The following MSRA variants were observed in gnomAD, a reference collection of about 807,000 sequenced individuals.
MSRA encodes the protein methionine sulfoxide reductase A, also known as mitochondrial peptide methionine sulfoxide reductase.
In MSRA, 54 loss-of-function variants were observed where a neutral mutation model predicts 31.3. That is an observed-to-expected ratio of 1.73 (90% CI 1.39 to 2.17). The LOEUF (loss-of-function observed/expected upper bound fraction) is 2.17. Among genes scored for constraint, MSRA ranks in the 30% most tolerant of loss-of-function variants. The pLI is 0.00. For synonymous variants in MSRA, 169 were observed against 116.5 expected (o/e 1.45, Z -2.90); for missense variants, 507 against 300.9 (o/e 1.69, Z -5.07).
At chr8:10,247,127 C>T (rs1797663650) in intron 3 of MSRA, among the ~76,000 whole-genome samples, 1 of 152,220 alleles carries the variant, frequency 6.6e-6, no homozygotes. Flanking sequence ...TTAATAACAA[C>T]ATGATAATTG....
chr8:10,200,093 G>T (rs536580002), intron 1 of MSRA, among the ~76,000 whole-genome samples: 1 of 152,180 alleles, frequency 6.6e-6, no homozygotes, highest in African/African-American at 2.4e-5. Context: ...GGTTGCCTGG[G>T]GAGGTATGGG....
intron 1 of MSRA, among the ~76,000 whole-genome samples, chr8:10,164,846 A>G (rs957061544): frequency 1.3e-5 from 2 of 152,070 alleles, no homozygotes; most frequent in Non-Finnish European, 1.5e-5. Flanking sequence ...TGACCAACAT[A>G]GTGAAACCCT....
At chr8:10,152,724 T>A (rs1325784084) in intron 1 of MSRA, among the ~76,000 whole-genome samples, 1 of 152,228 alleles carries the variant, frequency 6.6e-6, no homozygotes, top group Non-Finnish European at 1.5e-5. Context: ...GCACACTTCA[T>A]GTTCACAGCA....
chr8:10,371,984 G>A (rs1368707255), intron 5 of MSRA, among the ~76,000 whole-genome samples: 2 of 152,134 alleles, frequency 1.3e-5, no homozygotes, highest in African/African-American at 4.8e-5. Context: ...CTACACATGA[G>A]ATTGAATGAT....
chr8:10,150,433 A>G (rs1803562845), intron 1 of MSRA, among the ~76,000 whole-genome samples: 1 of 152,226 alleles, frequency 6.6e-6, no homozygotes, highest in Non-Finnish European at 1.5e-5. Context: ...GATATTAAAT[A>G]CATAACTCTA....
At chr8:10,337,603 G>C in intron 5 of MSRA, 2 of 659,410 alleles carry the variant, frequency 3.0e-6, no homozygotes, top group African/African-American at 1.8e-5. Context: ...CTGGAAGTTG[G>C]TTAATTTTTC....
intron 4 of MSRA, among the ~76,000 whole-genome samples, chr8:10,316,291 G>C (rs1418837966): frequency 2.6e-5 from 4 of 151,662 alleles, no homozygotes. Context: ...TAAGATCATG[G>C]ACTTTGGAGT....
At chr8:10,143,850 A>G (rs1426599502) in intron 1 of MSRA, among the ~76,000 whole-genome samples, 2 of 152,156 alleles carry the variant, frequency 1.3e-5, no homozygotes, top group Admixed American at 6.5e-5. Context: ...CTCAAACCTT[A>G]TTCTTATTCT....
At chr8:10,082,261 A>G (rs1000629808) in intron 1 of MSRA, among the ~76,000 whole-genome samples, 1 of 152,108 alleles carries the variant, frequency 6.6e-6, no homozygotes, top group Non-Finnish European at 1.5e-5. Context: ...AACCTGACCC[A>G]TAACACAGGT....
chr8:10,398,868 T>C (rs1014985544), intron 5 of MSRA, among the ~76,000 whole-genome samples: 6 of 152,250 alleles, frequency 3.9e-5, no homozygotes, highest in African/African-American at 1.4e-4. Context: ...AATTTTGCTT[T>C]GAAAATAGCA....
chr8:10,266,652 AT>A (rs1256849045), intron 3 of MSRA, among the ~76,000 whole-genome samples: 1 of 151,930 alleles, frequency 6.6e-6, no homozygotes, highest in Non-Finnish European at 1.5e-5. Context: ...TCTAAGAACT[AT>A]TTGTCTAACA....
At chr8:10,257,505 C>G (rs1298502157) in intron 3 of MSRA, among the ~76,000 whole-genome samples, 2 of 152,188 alleles carry the variant, frequency 1.3e-5, no homozygotes, top group East Asian at 3.9e-4. Flanking sequence ...CTCCCTGGCT[C>G]AAGCGATTCT....
chr8:10,406,335 C>T (rs1807816856), intron 5 of MSRA, among the ~76,000 whole-genome samples: 2 of 152,244 alleles, frequency 1.3e-5, no homozygotes, highest in Admixed American at 1.3e-4. Context: ...AGGCTATTTG[C>T]TTCTTGAAGA....
At chr8:10,258,828 G>A (rs1052320748) in intron 3 of MSRA, among the ~76,000 whole-genome samples, 1 of 152,186 alleles carries the variant, frequency 6.6e-6, no homozygotes, top group African/African-American at 2.4e-5. Context: ...GATAGACAGC[G>A]AGGTGCGGAG....
intron 1 of MSRA, among the ~76,000 whole-genome samples, chr8:10,197,430 G>T (rs532948735): frequency 6.6e-6 from 1 of 152,276 alleles, no homozygotes; most frequent in South Asian, 2.1e-4. Context: ...AGAGCTGCAG[G>T]CAGTGCTGTC....
chr8:10,264,503 G>A (rs935196561), intron 3 of MSRA, among the ~76,000 whole-genome samples: 3 of 152,114 alleles, frequency 2.0e-5, no homozygotes, highest in Non-Finnish European at 2.9e-5. Flanking sequence ...TTATCAGAAC[G>A]ATGGCTGCCT....
At chr8:10,424,814 T>G (rs1320254326) in intron 5 of MSRA, among the ~76,000 whole-genome samples, 7 of 152,196 alleles carry the variant, frequency 4.6e-5, no homozygotes, top group Non-Finnish European at 1.0e-4. Context: ...CAGTGCACTC[T>G]TTGAAGATCG....
At chr8:10,368,867 C>A (rs1009523485) in intron 5 of MSRA, among the ~76,000 whole-genome samples, 1 of 152,128 alleles carries the variant, frequency 6.6e-6, no homozygotes, top group Non-Finnish European at 1.5e-5. Flanking sequence ...TTCCAAAGGG[C>A]CTTTTGCTAA....
At chr8:10,138,759 C>T (rs1215606525) in intron 1 of MSRA, among the ~76,000 whole-genome samples, 4 of 152,206 alleles carry the variant, frequency 2.6e-5, no homozygotes, top group African/African-American at 9.6e-5. Flanking sequence ...AAGCCACTTG[C>T]AAAACCACTC....
Sources: gnomAD v4.1 joint callset for allele counts (sites outside exome capture counted in the v4.1 genomes callset) on GRCh38, gnomAD v4.1.1 for gene constraint, MANE v1.5 for transcripts, NCBI Gene and HGNC (gene_info 2026-07-23, HGNC 2026-07-21) for gene names.